The following RET variants were observed in gnomAD, a reference collection of about 807,000 sequenced individuals.
RET encodes the protein proto-oncogene tyrosine-protein kinase receptor Ret.
A neutral mutation model predicts 118.3 loss-of-function variants in RET; 19 were observed. That is an observed-to-expected ratio of 0.16 (90% confidence interval 0.11 to 0.24). The LOEUF (loss-of-function observed/expected upper bound fraction) is 0.24, where lower values mean the gene tolerates loss of function less well. Among genes scored for constraint, RET ranks in the 10% least tolerant of loss-of-function variants. RET has a pLI of 1.00. For synonymous variants in RET, 597 were observed against 644.1 expected (o/e 0.93, Z 1.11); for missense variants, 1,219 against 1,502.1 (o/e 0.81, Z 3.12).
intron 6 of RET, among the ~76,000 whole-genome samples, chr10:43,110,878 G>C (rs2132761477): frequency 6.6e-6 from 1 of 152,334 alleles, no homozygotes; most frequent in African/African-American, 2.4e-5. Context: ...AGGGAGGAAA[G>C]GGGAGTAAAG....
At chr10:43,105,355 G>C (rs1390815610) in intron 4 of RET, among the ~76,000 whole-genome samples, 162 bp downstream of exon 4, 1 of 152,088 alleles carries the variant, frequency 6.6e-6, no homozygotes, top group East Asian at 1.9e-4. Context: ...TAGGGGGAGG[G>C]GAAGGGGGAG....
chr10:43,128,447 G>A lies in RET; in HGVS notation c.*178G>A. ...AAGGTGGTTTTACTTCTGATAGCCG[G>A]TGATTTTCCCTCCTAGCAGACATGC... On this transcript the variant is annotated 3_prime_UTR_variant, in exon 20 of 20. Coordinates refer to ENST00000355710, the MANE Select transcript of RET (RefSeq NM_020975.6). The A allele has an allele frequency of 1.4e-6, 1 of 708,646 alleles. No individual in the cohort carries two copies. Among genetic ancestry groups the A allele is most frequent in the Non-Finnish European group, 2.5e-6 (1 of 404,124 alleles). The allele number at this position is 708,646 out of a possible 1,614,324, so 43.9% of individuals were successfully genotyped here.
intron 1 of RET, among the ~76,000 whole-genome samples, chr10:43,077,756 A>G (rs948326579): frequency 2.0e-5 from 3 of 152,114 alleles, no homozygotes; most frequent in African/African-American, 7.2e-5. Context: ...TCGGCAGGAG[A>G]CGGCTCCGTC....
rs143948954 is a variant in RET, at chr10:43,129,315, G to A, written c.*1046G>A. 2.1e-5 allele frequency: 5 copies of A among 233,598 alleles called. No individual in the cohort carries two copies. The Admixed American group carries it at 2.8e-4, about 13-fold the overall frequency. 14.5% of individuals were successfully genotyped at this position (233,598 alleles called of 1,614,324 possible). On this transcript the variant is annotated 3_prime_UTR_variant, in exon 20 of 20. Transcript: ENST00000355710. ...CTGTGTTAGAAGTAGCAATGACAAT[G>A]ACCAAGGACTGCTACACCTCTGATT...
chr10:43,123,542 C>A (rs1754449515), intron 16 of RET, 129 bp from the exon 17 acceptor site: 4 of 1,236,970 alleles, frequency 3.2e-6, no homozygotes, highest in Non-Finnish European at 4.7e-6. Flanking sequence ...AGGCTGACAT[C>A]TGTGAGCATC....
intron 1 of RET, among the ~76,000 whole-genome samples, chr10:43,079,791 G>T (rs981519033): frequency 1.3e-4 from 20 of 152,168 alleles, no homozygotes; most frequent in African/African-American, 4.8e-4. Context: ...GGCCTAGGCA[G>T]CCCACCCCTG....
At chr10:43,116,807 G>C in intron 12 of RET, 76 bp downstream of exon 12, 2 of 1,555,328 alleles carry the variant, frequency 1.3e-6, no homozygotes, top group Non-Finnish European at 1.8e-6. Context: ...CTCCTGCCCA[G>C]CATGGGACCC....
At chr10:43,086,187 C>T (rs2132555501) in intron 1 of RET, among the ~76,000 whole-genome samples, 1 of 152,236 alleles carries the variant, frequency 6.6e-6, no homozygotes, top group East Asian at 1.9e-4. Flanking sequence ...GCTAGTGCTG[C>T]CTCATTTTCC....
intron 7 of RET, 40 bp from the exon 8 acceptor site, chr10:43,112,059 A>C (rs2132794475): frequency 1.3e-6 from 2 of 1,574,076 alleles, no homozygotes; most frequent in Non-Finnish European, 1.7e-6. Context: ...CGCTGGGCCC[A>C]GGCCAGCCCC....
At position 43,112,189 on chromosome 10, in the gene RET, C is replaced by T. The variant is rs148406803; in HGVS notation, c.1613C>T (p.Thr538Ile). The T allele has an allele frequency of 1.3e-6, 2 of 1,563,818 alleles. No individual in the cohort carries two copies. Among genetic ancestry groups the T allele is most frequent in the Non-Finnish European group, 1.7e-6 (2 of 1,153,572 alleles). Residue 538 changes from threonine (T) to isoleucine (I), a missense_variant, in exon 8 of 20, where the codon ACA becomes ATA. Thr to Ile is a moderately conservative substitution (Grantham distance 89). Coordinates refer to ENST00000355710, the MANE Select transcript of RET (RefSeq NM_020975.6). ...GAGTGTGGCGGCCTGGGCTCCCCAACAGGCAGGTGTGAGTGGAGGCAAGGA... is the reference window on the plus strand; with the variant it reads ...GAGTGTGGCGGCCTGGGCTCCCCAATAGGCAGGTGTGAGTGGAGGCAAGGA... ...CEECGGLGSP[T>I]GRCEWRQGDG...
intron 1 of RET, among the ~76,000 whole-genome samples, chr10:43,089,078 C>G (rs749152845): frequency 5.3e-5 from 8 of 152,240 alleles, no homozygotes; most frequent in African/African-American, 1.4e-4. Flanking sequence ...GAACGGGCAG[C>G]GTGGGGCAGC....
At chr10:43,081,891 G>A (rs570910783) in intron 1 of RET, among the ~76,000 whole-genome samples, 5 of 152,184 alleles carry the variant, frequency 3.3e-5, no homozygotes, top group Admixed American at 6.5e-5. Flanking sequence ...TTTGGAGGAC[G>A]GGCCTTCTCC....
chr10:43,121,719 C>G lies in RET; in HGVS notation c.2731-227C>G, dbSNP rs3026771. Among the ~76,000 whole-genome samples, 6,666 of 152,276 alleles carry G rather than the reference C, an allele frequency of 0.044. 182 individuals are homozygous for G. Among genetic ancestry groups the G allele is most frequent in the South Asian group, 0.088 (425 of 4,834 alleles). Reference sequence around the variant, plus strand: ...GCATGTGACAAGCTGGCCCTGTGTGCCTGTGGGTGGGCAGCTGACTCCCGC... The same window carrying G: ...GCATGTGACAAGCTGGCCCTGTGTGGCTGTGGGTGGGCAGCTGACTCCCGC... On this transcript the variant is annotated intron_variant, in intron 15 of 19. Coordinates refer to ENST00000355710, the MANE Select transcript of RET (RefSeq NM_020975.6).
intron 1 of RET, among the ~76,000 whole-genome samples, chr10:43,099,135 T>C (rs1040528433): frequency 3.3e-5 from 5 of 152,180 alleles, no homozygotes; most frequent in Non-Finnish European, 7.4e-5. Context: ...CAGCCGAGGC[T>C]AGCATCCTGC....
rs769279838 is a variant in RET at position 43,105,064 on chromosome 10, C to G, written c.738C>G (p.His246Gln). The part of the protein sequence containing the change: ...KYELVAVCTV[H>Q]AGAREEVVMV... Reference sequence around the variant, plus strand: ...AGCTGGTGGCCGTGTGCACCGTGCACGCCGGCGCGCGCGAGGAGGTGGTGA... The same window carrying G: ...AGCTGGTGGCCGTGTGCACCGTGCAGGCCGGCGCGCGCGAGGAGGTGGTGA... Residue 246 changes from histidine to glutamine, a missense_variant, in exon 4 of 20, where the codon CAC (histidine) becomes CAG (glutamine). Physicochemically the swap from His to Gln is conservative, Grantham distance 24. This residue lies in a region of RET where 850 missense variants were observed against 969.6 expected (regional missense o/e 0.88). Coordinates refer to ENST00000355710, the MANE Select transcript of RET (RefSeq NM_020975.6). 1 of 1,609,788 alleles carries G rather than the reference C, an allele frequency of 6.2e-7. No individual in the cohort carries two copies. Among genetic ancestry groups the G allele is most frequent in the African/African-American group, 1.3e-5 (1 of 74,910 alleles).
chr10:43,122,706 C>G (rs1838245200), intron 16 of RET, among the ~76,000 whole-genome samples: 1 of 152,166 alleles, frequency 6.6e-6, no homozygotes, highest in African/African-American at 2.4e-5. Flanking sequence ...CTCCTGGGTT[C>G]AAGCGATTCC....
At position 43,114,393 on chromosome 10, in the gene RET, A is replaced by T; in HGVS notation, c.1880-87A>T. Reference sequence around the variant, plus strand: ...AGCTGGCGCGGACACGGCAGGCTGGAGAGCCATGAGGCAGAGCATACGCAG... The same window carrying T: ...AGCTGGCGCGGACACGGCAGGCTGGTGAGCCATGAGGCAGAGCATACGCAG... On this transcript the variant is annotated intron_variant, in intron 10 of 19. Transcript: ENST00000355710. This position sits in a 1 kb window ranked among gnomAD's most constrained non-coding sequence, Gnocchi z 4.6. The T allele has an allele frequency of 6.4e-7, 1 of 1,564,782 alleles. No homozygotes were observed. Among genetic ancestry groups the T allele is most frequent in the Non-Finnish European group, 8.7e-7 (1 of 1,154,720 alleles).
At chr10:43,099,714 C>T (rs1057348385) in intron 1 of RET, among the ~76,000 whole-genome samples, 12 of 152,320 alleles carry the variant, frequency 7.9e-5, no homozygotes, top group Admixed American at 1.3e-4. Flanking sequence ...CCCACACCCC[C>T]GCCTGCCACA....
intron 1 of RET, among the ~76,000 whole-genome samples, chr10:43,097,188 C>T (rs941747352): frequency 1.3e-5 from 2 of 152,158 alleles, no homozygotes; most frequent in South Asian, 2.1e-4. Flanking sequence ...GCCTGTCCTA[C>T]CTCTAGTCCC....
Sources: allele counts gnomAD v4.1 joint callset (sites outside exome capture counted in the v4.1 genomes callset), GRCh38; gene constraint gnomAD v4.1.1; regional missense constraint gnomAD v4.1.1; non-coding constraint Gnocchi (gnomAD v3.1); transcripts MANE v1.5; gene names NCBI Gene and HGNC (gene_info 2026-07-23, HGNC 2026-07-21).